The following SP140 variants were observed in gnomAD, a reference collection of about 807,000 sequenced individuals.
SP140 encodes nuclear body protein SP140.
SP140 carries 81 observed loss-of-function variants against 125.0 expected under a neutral mutation model. The observed-to-expected ratio is 0.65, with a 90% CI of 0.54 to 0.78. SP140 has a LOEUF of 0.78. SP140 is among the 30% of genes least tolerant of loss of function. SP140 has a pLI of 0.00. For missense variants in SP140, 858 were observed against 1,037.0 expected (o/e 0.83, Z 2.37); for synonymous variants, 312 against 354.0 (o/e 0.88, Z 1.33).
intron 15 of SP140, among the ~76,000 whole-genome samples, chr2:230,280,843 T>C (rs1384211878): frequency 6.6e-6 from 1 of 152,164 alleles, no homozygotes; most frequent in Non-Finnish European, 1.5e-5. Context: ...TCACCATTGT[T>C]CTTTTTCTTT....
At chr2:230,287,114 G>A (rs1051030212) in intron 17 of SP140, among the ~76,000 whole-genome samples, 4 of 152,098 alleles carry the variant, frequency 2.6e-5, no homozygotes, top group Admixed American at 6.5e-5. Context: ...GAATATCATC[G>A]GCTGCAGTGT....
At chr2:230,275,465 TCTAA>T (rs1417223814) in intron 15 of SP140, among the ~76,000 whole-genome samples, 1 of 152,186 alleles carries the variant, frequency 6.6e-6, no homozygotes, top group Non-Finnish European at 1.5e-5. Flanking sequence ...ATGTTACTAT[TCTAA>T]CTGTCTATGG....
chr2:230,251,972 C>T (rs989898171), intron 10 of SP140, among the ~76,000 whole-genome samples: 24 of 151,904 alleles, frequency 1.6e-4, no homozygotes, highest in African/African-American at 5.1e-4. Context: ...TTCTGTGAGG[C>T]GGGCATGGGT....
chr2:230,256,287 T>C (rs564980537), intron 12 of SP140, among the ~76,000 whole-genome samples: 1 of 152,068 alleles, frequency 6.6e-6, no homozygotes, highest in Admixed American at 6.5e-5. Context: ...TGTCCAACAA[T>C]GATAGACTGG....
intron 1 of SP140, among the ~76,000 whole-genome samples, chr2:230,226,332 T>C (rs989139107): frequency 2.2e-4 from 33 of 152,270 alleles, no homozygotes; most frequent in African/African-American, 7.0e-4. Flanking sequence ...GGCTGTGTAG[T>C]TGGGGACCGG....
chr2:230,187,717 C>A, the SP140 span, among the ~76,000 whole-genome samples: 1 of 152,204 alleles, frequency 6.6e-6, no homozygotes, highest in Admixed American at 6.5e-5. Flanking sequence ...TGTGGCTAAC[C>A]AGTTTTCCCA....
At chr2:230,285,382 C>A (rs1229899180) in intron 16 of SP140, among the ~76,000 whole-genome samples, 1 of 152,048 alleles carries the variant, frequency 6.6e-6, no homozygotes, top group Non-Finnish European at 1.5e-5. Context: ...GATGTGGCTT[C>A]CTGGTTGGTG....
chr2:230,292,858 A>G (rs1212008494), intron 20 of SP140, 70 bp downstream of exon 20: 1 of 1,599,996 alleles, frequency 6.3e-7, no homozygotes, highest in African/African-American at 1.3e-5. Context: ...CTGTTTATTC[A>G]CCAAATATTT....
At chr2:230,232,108 C>A (rs1333973971) in intron 1 of SP140, among the ~76,000 whole-genome samples, 1 of 152,228 alleles carries the variant, frequency 6.6e-6, no homozygotes, top group African/African-American at 2.4e-5. Flanking sequence ...CCCTGGAGAG[C>A]AGGCCCTTGT....
chr2:230,314,567 A>G (rs2149654315), downstream of SP140, among the ~76,000 whole-genome samples: 1 of 152,374 alleles, frequency 6.6e-6, no homozygotes, highest in Non-Finnish European at 1.5e-5. Context: ...GGTGGCTCCT[A>G]GAGACTTAGT....
chr2:230,279,087 A>T (rs2055149105), intron 15 of SP140, among the ~76,000 whole-genome samples: 1 of 152,154 alleles, frequency 6.6e-6, no homozygotes, highest in Admixed American at 6.6e-5. Context: ...TAGCAACAAA[A>T]AGAATAAAAT....
intron 21 of SP140, among the ~76,000 whole-genome samples, chr2:230,295,733 C>T (rs554167861): frequency 2.0e-5 from 3 of 152,314 alleles, no homozygotes; most frequent in East Asian, 1.9e-4. Flanking sequence ...AGCATCTCTG[C>T]TCATGACAAG....
Position 230,310,787 on chromosome 2 carries a change from G to A in SP140, c.2219G>A (p.Gly740Glu), listed in dbSNP as rs1201773712. 3 of 1,524,894 alleles carry A rather than the reference G, an allele frequency of 2.0e-6. No individual in the cohort carries two copies. Among genetic ancestry groups the A allele is most frequent in the Admixed American group, 2.0e-5 (1 of 50,256 alleles). 94.5% of individuals were successfully genotyped at this position (1,524,894 alleles called of 1,614,324 possible). The change falls in exon 24 of 27, where the codon GGA (glycine) becomes GAA (glutamate). Residue 740 changes from glycine to glutamate, a missense_variant. Coordinates refer to ENST00000392045, the MANE Select transcript of SP140 (RefSeq NM_007237.5). Reference protein sequence around the residue: ...CIFCRMKESPGSQQCCQESEV... With the variant: ...CIFCRMKESPESQQCCQESEV... ...TTCTGCAGGATGAAGGAGTCTCCGG[G>A]AAGCCAACAGTGTTGTCAGGAATCT...
intron 22 of SP140, 123 bp from the exon 23 acceptor site, chr2:230,309,801 C>T (rs2059161080): frequency 2.2e-6 from 2 of 920,574 alleles, no homozygotes; most frequent in Non-Finnish European, 3.4e-6. Context: ...CTTCATATCC[C>T]AGGGAGAAGC....
At chr2:230,298,463 C>A (rs2057968768) in intron 22 of SP140, among the ~76,000 whole-genome samples, 1 of 152,188 alleles carries the variant, frequency 6.6e-6, no homozygotes, top group Admixed American at 6.5e-5. Flanking sequence ...GTCTGGCCAA[C>A]TGAGGGACTT....
intron 15 of SP140, among the ~76,000 whole-genome samples, chr2:230,272,901 T>C (rs909060848): frequency 3.9e-5 from 6 of 152,010 alleles, no homozygotes; most frequent in African/African-American, 1.5e-4. Flanking sequence ...ATACAGAAAA[T>C]TGAAACTGGA....
At chr2:230,310,191 G>T in intron 23 of SP140, 152 bp downstream of exon 23, 1 of 675,900 alleles carries the variant, frequency 1.5e-6, no homozygotes, top group South Asian at 2.0e-5. Context: ...AGAGAGCAGT[G>T]GGAGACGCTG....
rs2058938906 is a variant in SP140, at chr2:230,307,971, A to ATATATGCATG, written c.2059-1948_2059-1947insGCATGTATAT. On this transcript the variant is annotated intron_variant, in intron 22 of 26. Coordinates refer to ENST00000392045, the MANE Select transcript of SP140 (RefSeq NM_007237.5). Reference sequence around the variant, plus strand: ...GACATGCATGTATATATATATATATATATATATATATATATATATACACAC... The same window carrying ATATATGCATG: ...GACATGCATGTATATATATATATATATATATGCATGTATATATATATATATATATACACAC... Among the ~76,000 whole-genome samples, 2 of 85,856 alleles carry ATATATGCATG rather than the reference A, an allele frequency of 2.3e-5. 1 individual carries two copies. Among genetic ancestry groups the ATATATGCATG allele is most frequent in the Non-Finnish European group, 5.1e-5 (2 of 39,022 alleles). 56.3% of individuals were successfully genotyped at this position (85,856 alleles called of 152,430 possible).
chr2:230,243,631 AT>A, intron 4 of SP140, 99 bp from the exon 5 acceptor site: 1 of 932,128 alleles, frequency 1.1e-6, no homozygotes. Flanking sequence ...GACCTTCCAG[AT>A]TATCAGGTTT....
Sources: allele counts gnomAD v4.1 joint callset (sites outside exome capture counted in the v4.1 genomes callset), GRCh38; gene constraint gnomAD v4.1.1; transcripts MANE v1.5; gene names NCBI Gene and HGNC (gene_info 2026-07-23, HGNC 2026-07-21).